The following EXOC4 variants were observed in gnomAD, a reference collection of about 807,000 sequenced individuals.
EXOC4 encodes exocyst complex component 4, also known as SEC8-like 1.
EXOC4 carries 71 observed loss-of-function variants against 107.2 expected under a neutral mutation model. That is an observed-to-expected ratio of 0.66 (90% CI 0.55 to 0.81). The LOEUF (loss-of-function observed/expected upper bound fraction) is 0.81, where lower values mean the gene tolerates loss of function less well. Ranked by LOEUF, EXOC4 falls within the 30% of genes least tolerant of loss-of-function variation. The pLI is 0.00. For missense variants in EXOC4, 1,108 were observed against 1,189.6 expected, an observed-to-expected ratio of 0.93 and a Z score of 1.01; for synonymous variants, 456 against 441.2, an observed-to-expected ratio of 1.03 and a Z score of -0.42.
At chr7:133,870,713 C>T (rs1798733375) in intron 11 of EXOC4, among the ~76,000 whole-genome samples, 1 of 152,220 alleles carries the variant, frequency 6.6e-6, no homozygotes, top group African/African-American at 2.4e-5. Flanking sequence ...TTGTTTACCA[C>T]TCATGGCCTA....
At chr7:133,693,643 A>G (rs1001182685) in intron 10 of EXOC4, among the ~76,000 whole-genome samples, 1 of 152,208 alleles carries the variant, frequency 6.6e-6, no homozygotes, top group Non-Finnish European at 1.5e-5. Flanking sequence ...CTCTCTTGAT[A>G]ATCACATGGA....
At chr7:133,656,067 A>G (rs1803286332) in intron 10 of EXOC4, among the ~76,000 whole-genome samples, 1 of 152,116 alleles carries the variant, frequency 6.6e-6, no homozygotes, top group South Asian at 2.1e-4. Flanking sequence ...TTGGAATCGT[A>G]TTGGACCACC....
In EXOC4 at chr7:133,597,290, A is replaced by G. The variant is rs1307173214; in HGVS notation, c.1418-32755A>G. On this transcript the variant is annotated intron_variant, in intron 9 of 17. Coordinates refer to ENST00000253861, the MANE Select transcript of EXOC4 (RefSeq NM_021807.4). ...CCTTGGAGGCTGGGCGTGGTGTCTC[A>G]CGCCTGTAATCCCAGCACTTTGGGA... is the stretch of plus-strand genomic sequence containing the variant. 2.0e-5 allele frequency among the ~76,000 whole-genome samples: 3 copies of G among 152,198 alleles called. No homozygotes were observed. In the East Asian group the frequency reaches 5.8e-4, roughly 29 times the overall value.
chr7:133,581,523 C>G (rs1376068684), intron 9 of EXOC4, among the ~76,000 whole-genome samples: 1 of 151,852 alleles, frequency 6.6e-6, no homozygotes, highest in African/African-American at 2.4e-5. Context: ...CTTTGGGAGG[C>G]CGAGGCGGGC....
At position 133,366,090 on chromosome 7, in the gene EXOC4, G is replaced by A. The variant is rs538493682; in HGVS notation, c.1008-8738G>A. Reference sequence around the variant, plus strand: ...GTAAGGCAGCTTCTTGGCTGCAAACGTGGGTTTTCCAGCCAAATGACTAAT... The same window carrying A: ...GTAAGGCAGCTTCTTGGCTGCAAACATGGGTTTTCCAGCCAAATGACTAAT... On this transcript the variant is annotated intron_variant, in intron 6 of 17. Coordinates refer to ENST00000253861, the MANE Select transcript of EXOC4 (RefSeq NM_021807.4). 5.0e-4 allele frequency among the ~76,000 whole-genome samples: 76 copies of A among 152,280 alleles called. No individual in the cohort carries two copies. In the South Asian group the frequency reaches 0.015, roughly 30 times the overall value.
chr7:133,398,846 C>T (rs1208375767), intron 7 of EXOC4, among the ~76,000 whole-genome samples: 2 of 152,134 alleles, frequency 1.3e-5, no homozygotes, highest in African/African-American at 2.4e-5. Context: ...AAAGGATGCT[C>T]TCTGGCTTAG....
intron 9 of EXOC4, among the ~76,000 whole-genome samples, chr7:133,628,392 A>G (rs1174766341): frequency 1.3e-5 from 2 of 152,148 alleles, no homozygotes; most frequent in Non-Finnish European, 2.9e-5. Flanking sequence ...TACACCAGAC[A>G]CCACTGAACT....
intron 10 of EXOC4, among the ~76,000 whole-genome samples, chr7:133,640,008 T>G (rs182782208): frequency 6.6e-6 from 1 of 152,292 alleles, no homozygotes; most frequent in East Asian, 1.9e-4. Context: ...TAAAAATCTT[T>G]TAAAATTTTT....
At position 133,818,187 on chromosome 7, in the gene EXOC4, A is replaced by G. The variant is rs569195496; in HGVS notation, c.1734+643A>G. Among the ~76,000 whole-genome samples, 4 of 152,362 alleles carry G rather than the reference A, an allele frequency of 2.6e-5. No homozygotes were observed. The South Asian group carries it at 8.3e-4, about 32-fold the overall frequency. On this transcript the variant is annotated intron_variant, in intron 11 of 17. Coordinates refer to ENST00000253861, the MANE Select transcript of EXOC4 (RefSeq NM_021807.4). ...ACATTTTAGCTGGTGACTTGGAGGT[A>G]TATATAAAACTAAAACAAAATTAGT...
intron 17 of EXOC4, among the ~76,000 whole-genome samples, chr7:134,030,852 A>G (rs920852248): frequency 6.6e-6 from 1 of 151,888 alleles, no homozygotes; most frequent in Non-Finnish European, 1.5e-5. Flanking sequence ...CCTTCAGCCA[A>G]ATTTTCTTTT....
At chr7:133,982,103 C>T (rs952334139) in intron 14 of EXOC4, among the ~76,000 whole-genome samples, 120 of 152,198 alleles carry the variant, frequency 7.9e-4, no homozygotes, top group African/African-American at 2.8e-3. Context: ...CCCTACTTGA[C>T]GGTGAGAGGA....
At chr7:133,768,822 A>AAGGAGT (rs1796189198) in intron 10 of EXOC4, among the ~76,000 whole-genome samples, 1 of 151,930 alleles carries the variant, frequency 6.6e-6, no homozygotes, top group South Asian at 2.1e-4. Flanking sequence ...TGGTCTAGTG[A>AAGGAGT]AGGAGTCAGA....
intron 7 of EXOC4, among the ~76,000 whole-genome samples, chr7:133,400,314 C>G (rs1256209798): frequency 6.6e-6 from 1 of 152,170 alleles, no homozygotes; most frequent in East Asian, 1.9e-4. Flanking sequence ...ATGATGAGTA[C>G]TTAGTTGGCA....
chr7:133,469,822 A>G (rs947605283), intron 7 of EXOC4, among the ~76,000 whole-genome samples: 1 of 152,102 alleles, frequency 6.6e-6, no homozygotes, highest in Non-Finnish European at 1.5e-5. Context: ...TTCATTCTTT[A>G]TTCTCCCTCT....
chr7:133,826,239 T>C (rs574054223), intron 11 of EXOC4, among the ~76,000 whole-genome samples: 17 of 152,312 alleles, frequency 1.1e-4, no homozygotes, highest in Admixed American at 1.0e-3. Context: ...TTCGTCCATG[T>C]TTTCAGATCA....
In EXOC4 at chr7:133,917,444, G is replaced by A. The variant is rs907773957; in HGVS notation, c.1872-139G>A. On this transcript the variant is annotated intron_variant, in intron 12 of 17. Transcript: ENST00000253861. The stretch of plus-strand genomic sequence containing the variant: ...ATGTGACCTATTAATGGGTATCATG[G>A]ACTCCAACTTAGATAATGGATTATG... The A allele has an allele frequency of 1.9e-5, 14 of 741,460 alleles. No homozygotes were observed. The Admixed American group carries it at 2.3e-4, about 12-fold the overall frequency. 45.9% of individuals were successfully genotyped at this position (741,460 alleles called of 1,614,324 possible).
chr7:133,407,317 A>G (rs997320850), intron 7 of EXOC4, among the ~76,000 whole-genome samples: 12 of 152,194 alleles, frequency 7.9e-5, no homozygotes, highest in Non-Finnish European at 1.6e-4. Context: ...CTTCTTGGCT[A>G]TAAATCCCAC....
intron 6 of EXOC4, among the ~76,000 whole-genome samples, chr7:133,360,155 ACTC>A (rs1563034565): frequency 1.3e-5 from 2 of 152,134 alleles, no homozygotes; most frequent in Non-Finnish European, 1.5e-5. Context: ...AATTTCTTCA[ACTC>A]CTGCTGCCTA....
At position 133,296,588 on chromosome 7, in the gene EXOC4, T is replaced by C. The variant is rs191185456; in HGVS notation, c.471+7472T>C. ...GAAGTGCAGGGGTTTGTGGTAGCTGTTTTTCATGCTGCTCAAGGCCCTTTT... is the reference window on the plus strand; with the variant it reads ...GAAGTGCAGGGGTTTGTGGTAGCTGCTTTTCATGCTGCTCAAGGCCCTTTT... On this transcript the variant is annotated intron_variant, in intron 3 of 17. Transcript: ENST00000253861. Among the ~76,000 whole-genome samples the C allele has an allele frequency of 2.3e-4, 35 of 152,254 alleles. 1 individual carries two copies. The highest frequency in any genetic ancestry group is 1.9e-3 in the Admixed American group (29 of 15,282).
Sources: allele counts gnomAD v4.1 joint callset (sites outside exome capture counted in the v4.1 genomes callset), GRCh38; gene constraint gnomAD v4.1.1; transcripts MANE v1.5; gene names NCBI Gene and HGNC (gene_info 2026-07-23, HGNC 2026-07-21).